The following CSMD1 variants were observed in gnomAD, a reference collection of about 807,000 sequenced individuals.
The protein encoded by CSMD1 is CUB and sushi domain-containing protein 1.
CSMD1 carries 213 observed loss-of-function variants against 417.5 expected under a neutral mutation model. That is an observed-to-expected ratio of 0.51 (90% confidence interval 0.46 to 0.57). CSMD1 has a LOEUF of 0.57. Ranked by LOEUF, CSMD1 falls within the 20% of genes least tolerant of loss-of-function variation. CSMD1 has a pLI of 0.00. For synonymous variants in CSMD1, 2,862 were observed against 1,736.8 expected (o/e 1.65, Z -16.11); for missense variants, 6,923 against 4,529.7 (o/e 1.53, Z -15.17).
chr8:3,306,591 A>C (rs1291337526), intron 25 of CSMD1, among the ~76,000 whole-genome samples: 2 of 152,142 alleles, frequency 1.3e-5, no homozygotes, highest in Non-Finnish European at 2.9e-5. Context: ...TGGGACATGC[A>C]GATTAAGGCT....
chr8:4,961,954 A>G (rs373231834), intron 1 of CSMD1, among the ~76,000 whole-genome samples: 1 of 151,900 alleles, frequency 6.6e-6, no homozygotes, highest in East Asian at 1.9e-4. Flanking sequence ...TTGTCTGCAG[A>G]TATTTCTTGT....
chr8:3,714,025 C>CAGATAGATAGATAGAT lies in CSMD1; in HGVS notation c.932-5550_932-5535dup, dbSNP rs36006305. On this transcript the variant is annotated intron_variant, in intron 6 of 69. Transcript: ENST00000635120. Reference sequence around the variant, plus strand: ...CTTAGAATTGCAAGGGCTCACTATGCAGATAGATAGATAGATAGATAGATA... The same window carrying CAGATAGATAGATAGAT: ...CTTAGAATTGCAAGGGCTCACTATGCAGATAGATAGATAGATAGATAGATAGATAGATAGATAGATA... Among the ~76,000 whole-genome samples the CAGATAGATAGATAGAT allele has an allele frequency of 8.1e-3, 1,185 of 147,146 alleles. 11 individuals carry two copies. The highest frequency in any genetic ancestry group is 0.018 in the South Asian group (84 of 4,618).
rs574563619 is a variant in CSMD1 at position 3,281,260 on chromosome 8, T to A, written c.4153+2884A>T. Among the ~76,000 whole-genome samples, 3 of 152,090 alleles carry A rather than the reference T, an allele frequency of 2.0e-5. No individual in the cohort carries two copies. The South Asian group carries it at 6.2e-4, about 32-fold the overall frequency. On this transcript the variant is annotated intron_variant, in intron 26 of 69. Transcript: ENST00000635120. ...GAGTTTGACACTAGCCTGGACAGGA[T>A]AATGAAACCCTGTCTAGGCTAAAAA... is the stretch of plus-strand genomic sequence containing the variant.
Position 3,382,193 on chromosome 8 carries a change from A to G in CSMD1, c.2782+5301T>C, listed in dbSNP as rs552799950. On this transcript the variant is annotated intron_variant, in intron 18 of 69. Transcript: ENST00000635120. ...GTAATCGCTTGAACCTGGGAGGCGGAGGTTTTAGTGAGCCGAGATCCTGTC... is the reference window on the plus strand; with the variant it reads ...GTAATCGCTTGAACCTGGGAGGCGGGGGTTTTAGTGAGCCGAGATCCTGTC... Among the ~76,000 whole-genome samples the G allele has an allele frequency of 3.3e-5, 5 of 152,066 alleles. 1 individual carries two copies. The Middle Eastern group carries it at 0.01, about 310-fold the overall frequency.
intron 23 of CSMD1, among the ~76,000 whole-genome samples, chr8:3,317,860 G>C (rs1019870052): frequency 1.3e-5 from 2 of 152,148 alleles, no homozygotes; most frequent in South Asian, 2.1e-4. Flanking sequence ...ACCCAGGCTG[G>C]AGTGCAGTGG....
intron 20 of CSMD1, 85 bp downstream of exon 20, chr8:3,366,941 TACACAC>T: frequency 1.1e-6 from 1 of 933,488 alleles, no homozygotes; most frequent in Non-Finnish European, 1.7e-6. Context: ...ATGCACACAT[TACACAC>T]ACACACACAC....
chr8:4,966,049 A>T (rs917409595), intron 1 of CSMD1, among the ~76,000 whole-genome samples: 4 of 151,902 alleles, frequency 2.6e-5, no homozygotes, highest in African/African-American at 9.7e-5. Flanking sequence ...CTGAACAATG[A>T]CTTTTACCAA....
At chr8:4,036,742 T>C (rs539891610) in intron 3 of CSMD1, among the ~76,000 whole-genome samples, 1 of 152,362 alleles carries the variant, frequency 6.6e-6, no homozygotes, top group South Asian at 2.1e-4. Context: ...CAGGCTTTTA[T>C]TTTACACCAG....
In CSMD1 at chr8:3,399,455, A is replaced by AT; in HGVS notation, c.2340_2341insA (p.Ser781IlefsTer5). On this transcript the variant is annotated frameshift_variant, in exon 16 of 70. Transcript: ENST00000635120. LOFTEE classifies it high-confidence loss of function. ...TCAATTATCCATTCACAATGTAAAG[A>AT]ATCCTTATAATATCCTGGCCATCCA... 1 of 1,610,666 alleles carries AT rather than the reference A, an allele frequency of 6.2e-7. No individual in the cohort carries two copies. The highest frequency in any genetic ancestry group is 8.5e-7 in the Non-Finnish European group (1 of 1,178,370).
chr8:3,542,385 T>C (rs771885269), intron 10 of CSMD1, among the ~76,000 whole-genome samples: 1 of 152,206 alleles, frequency 6.6e-6, no homozygotes, highest in Non-Finnish European at 1.5e-5. Context: ...ATTTTACAAA[T>C]ATATTTTAGC....
At chr8:3,599,661 C>T (rs1377847325) in intron 8 of CSMD1, among the ~76,000 whole-genome samples, 1 of 152,218 alleles carries the variant, frequency 6.6e-6, no homozygotes, top group African/African-American at 2.4e-5. Flanking sequence ...GTAACTGCAG[C>T]TTTATGCCTT....
At chr8:3,335,301 A>C (rs943543807) in intron 23 of CSMD1, among the ~76,000 whole-genome samples, 5 of 152,212 alleles carry the variant, frequency 3.3e-5, no homozygotes, top group African/African-American at 1.2e-4. Flanking sequence ...TGAAGAGCAC[A>C]GTGACAGGAT....
chr8:3,183,872 G>C (rs1383306997), intron 36 of CSMD1, among the ~76,000 whole-genome samples: 1 of 152,184 alleles, frequency 6.6e-6, no homozygotes, highest in African/African-American at 2.4e-5. Context: ...AATCACCCCA[G>C]TGCAGGCAGC....
At chr8:3,369,536 T>C (rs1585064321) in intron 18 of CSMD1, among the ~76,000 whole-genome samples, 166 bp from the exon 19 acceptor site, 1 of 152,208 alleles carries the variant, frequency 6.6e-6, no homozygotes. Flanking sequence ...GCAAATATCA[T>C]ATGCTAGTTC....
intron 3 of CSMD1, among the ~76,000 whole-genome samples, chr8:4,343,661 A>T (rs1027787000): frequency 6.6e-6 from 1 of 152,108 alleles, no homozygotes; most frequent in African/African-American, 2.4e-5. Context: ...TAGGAGACAA[A>T]GTCTGTGTCT....
chr8:4,856,151 A>G (rs1174816381), intron 1 of CSMD1, among the ~76,000 whole-genome samples: 1 of 150,320 alleles, frequency 6.7e-6, no homozygotes, highest in Non-Finnish European at 1.5e-5. Context: ...AGAATTTCAT[A>G]TCCAGCCAAA....
At chr8:4,810,931 T>C (rs925402276) in intron 1 of CSMD1, among the ~76,000 whole-genome samples, 1 of 152,158 alleles carries the variant, frequency 6.6e-6, no homozygotes, top group Non-Finnish European at 1.5e-5. Context: ...AAATATGAGA[T>C]TAAAGAATGG....
chr8:4,136,123 A>G (rs967490262), intron 3 of CSMD1, among the ~76,000 whole-genome samples: 6 of 152,196 alleles, frequency 3.9e-5, no homozygotes, highest in African/African-American at 1.4e-4. Flanking sequence ...TTTCCAAAGG[A>G]CCTCTCAAAA....
At chr8:3,381,270 GAA>G (rs11439047) in intron 18 of CSMD1, among the ~76,000 whole-genome samples, 1 of 145,722 alleles carries the variant, frequency 6.9e-6, no homozygotes, top group Admixed American at 6.9e-5. Flanking sequence ...CTACCCACAT[GAA>G]AAAAAAAAGA....
Sources: gnomAD v4.1 joint callset for allele counts (sites outside exome capture counted in the v4.1 genomes callset) on GRCh38, gnomAD v4.1.1 for gene constraint, MANE v1.5 for transcripts, NCBI Gene and HGNC (gene_info 2026-07-23, HGNC 2026-07-21) for gene names.